Variants in RSPH14 observed in about 807,000 individuals in gnomAD.
The protein encoded by RSPH14 is radial spoke head 14 homolog, also known as rhabdoid tumor deletion region gene 1.
Under a neutral mutation model 26.7 loss-of-function variants are expected in RSPH14, and 20 were observed. That is an observed-to-expected ratio of 0.75 (90% confidence interval 0.53 to 1.09). The LOEUF is 1.09. Among genes scored for constraint, RSPH14 ranks in the 50% least tolerant of loss-of-function variants. RSPH14 has a pLI of 0.00. For missense variants in RSPH14, 449 were observed against 457.2 expected, an observed-to-expected ratio of 0.98 and a Z score of 0.16; for synonymous variants, 177 against 189.3, an observed-to-expected ratio of 0.93 and a Z score of 0.53.
At chr22:23,064,234 G>T in intron 4 of RSPH14, 101 bp from the exon 5 acceptor site, 1 of 1,123,010 alleles carries the variant, frequency 8.9e-7, no homozygotes, top group Non-Finnish European at 1.3e-6. Context: ...AGAACCAGTG[G>T]GTGGGTTTGA....
chr22:23,095,413 A>C lies in RSPH14; in HGVS notation c.422-31280T>G, dbSNP rs2069096458. The stretch of plus-strand genomic sequence containing the variant: ...AGCGGACGGCTTCCCACCGTCGCCG[A>C]GGACAGGGAATGACTACGGCAAATC... On this transcript the variant is annotated intron_variant, in intron 4 of 6. Coordinates refer to ENST00000216036, the MANE Select transcript of RSPH14 (RefSeq NM_014433.3). The C allele has an allele frequency of 9.5e-6, 4 of 421,306 alleles. No homozygotes were observed. The South Asian group carries it at 1.1e-4, about 12-fold the overall frequency. 26.1% of individuals were successfully genotyped at this position (421,306 alleles called of 1,614,324 possible). A position where few individuals can be genotyped will look rare whatever the true frequency, so the allele number is the denominator to read the frequency against.
chr22:23,078,459 A>G (rs906223262), intron 4 of RSPH14, among the ~76,000 whole-genome samples: 1 of 151,608 alleles, frequency 6.6e-6, no homozygotes, highest in Non-Finnish European at 1.5e-5. Flanking sequence ...CACCTCCTCC[A>G]AGGAGTCTCC....
At chr22:23,139,553 G>A (rs554595581) in intron 2 of RSPH14, among the ~76,000 whole-genome samples, 4 of 152,352 alleles carry the variant, frequency 2.6e-5, no homozygotes, top group East Asian at 3.9e-4. Context: ...CCCAAGAGGC[G>A]GAGGTTTCAG....
chr22:23,162,867 A>G, the RSPH14 span: 4 of 393,946 alleles, frequency 1.0e-5, no homozygotes, highest in East Asian at 1.6e-4. Context: ...ATCTTTTTCT[A>G]TTCATTCCCC....
chr22:23,121,760 C>T (rs1051048421), intron 4 of RSPH14, among the ~76,000 whole-genome samples: 31 of 148,926 alleles, frequency 2.1e-4, no homozygotes, highest in African/African-American at 7.7e-4. Flanking sequence ...CTCGCTGCGT[C>T]GCCCAGACTG....
At chr22:23,153,074 T>C in the RSPH14 span, 1 of 1,614,046 alleles carries the variant, frequency 6.2e-7, no homozygotes, top group Non-Finnish European at 8.5e-7. Flanking sequence ...AAGGCCACCA[T>C]TGGGGTGGAC....
chr22:23,081,798 G>A (rs1601762729), intron 4 of RSPH14, among the ~76,000 whole-genome samples: 1 of 141,260 alleles, frequency 7.1e-6, no homozygotes, highest in East Asian at 2.1e-4. Flanking sequence ...TTCCAGCCTG[G>A]GCAACAGAGT....
At chr22:23,062,052 C>A in intron 5 of RSPH14, 107 bp from the exon 6 acceptor site, 1 of 1,357,018 alleles carries the variant, frequency 7.4e-7, no homozygotes, top group South Asian at 1.3e-5. Context: ...GTGGGGGCTA[C>A]CCCAGGTAGT....
intron 4 of RSPH14, among the ~76,000 whole-genome samples, chr22:23,075,721 C>G (rs747649245): frequency 6.6e-6 from 1 of 152,160 alleles, no homozygotes; most frequent in Non-Finnish European, 1.5e-5. Flanking sequence ...AAACACACCC[C>G]GTCCCCGAGG....
chr22:23,130,995 T>C (rs2070350887), intron 4 of RSPH14, among the ~76,000 whole-genome samples: 1 of 152,176 alleles, frequency 6.6e-6, no homozygotes, highest in Admixed American at 6.5e-5. Flanking sequence ...GGACTCTCCT[T>C]CCAGGGTACC....
chr22:23,088,873 G>C (rs1455104268), intron 4 of RSPH14, among the ~76,000 whole-genome samples: 1 of 152,208 alleles, frequency 6.6e-6, no homozygotes, highest in Non-Finnish European at 1.5e-5. Flanking sequence ...CCTAGCTTCT[G>C]TTACCAGCAA....
chr22:23,153,516 T>G, the RSPH14 span: 1 of 966,164 alleles, frequency 1.0e-6, no homozygotes, highest in Non-Finnish European at 1.2e-6. Context: ...TCTGAGCCTC[T>G]GTTCCCACCT....
At chr22:23,161,548 G>A in the RSPH14 span, 14 of 1,611,500 alleles carry the variant, frequency 8.7e-6, no homozygotes, top group African/African-American at 1.7e-4. Flanking sequence ...AGGCCCTCCA[G>A]CCTGGGCTGC....
intron 4 of RSPH14, chr22:23,123,375 G>A (rs777904768): frequency 3.1e-6 from 5 of 1,613,802 alleles, no homozygotes; most frequent in African/African-American, 1.3e-5. Context: ...GTTTGTCTTC[G>A]ACGCGGTGAC....
At chr22:23,144,104 A>AC (rs2070661909), upstream of RSPH14, among the ~76,000 whole-genome samples, 2 of 150,444 alleles carry the variant, frequency 1.3e-5, no homozygotes, top group African/African-American at 2.4e-5. Flanking sequence ...AAAAAAAAAA[A>AC]AAAAAAAAAA....
chr22:23,118,978 A>G (rs535869112), intron 4 of RSPH14, among the ~76,000 whole-genome samples: 2 of 152,310 alleles, frequency 1.3e-5, no homozygotes, highest in Admixed American at 6.5e-5. Flanking sequence ...CATGTTTTGC[A>G]GGGTGAGCAG....
intron 2 of RSPH14, among the ~76,000 whole-genome samples, chr22:23,139,155 CT>C (rs2070542590): frequency 6.6e-6 from 1 of 152,198 alleles, no homozygotes; most frequent in Non-Finnish European, 1.5e-5. Context: ...GTGATTCTCC[CT>C]GCACACTTCC....
intron 4 of RSPH14, among the ~76,000 whole-genome samples, chr22:23,115,785 C>G (rs928387615): frequency 2.6e-5 from 4 of 152,232 alleles, no homozygotes; most frequent in Non-Finnish European, 5.9e-5. Context: ...TTCTAAACCT[C>G]AGTTTATTTG....
chr22:23,078,159 C>G (rs938081287), intron 4 of RSPH14, among the ~76,000 whole-genome samples: 15 of 152,256 alleles, frequency 9.9e-5, no homozygotes, highest in African/African-American at 3.4e-4. Flanking sequence ...TGGTCACCCC[C>G]TCACCCGCTC....
Sources: gnomAD v4.1 joint callset for allele counts (sites outside exome capture counted in the v4.1 genomes callset) on GRCh38, gnomAD v4.1.1 for gene constraint, MANE v1.5 for transcripts, NCBI Gene and HGNC (gene_info 2026-07-23, HGNC 2026-07-21) for gene names.